Variants in RAD51B observed in about 807,000 individuals in gnomAD.
RAD51B encodes DNA repair protein RAD51 homolog 2.
RAD51B carries 38 observed loss-of-function variants against 42.2 expected under a neutral mutation model. That is an observed-to-expected ratio of 0.90 (90% CI 0.70 to 1.18). The LOEUF (loss-of-function observed/expected upper bound fraction) is 1.18. RAD51B is among the 50% of genes most tolerant of loss of function. The pLI, the probability that RAD51B is intolerant of heterozygous loss-of-function variation, is 0.00. For synonymous variants in RAD51B, 154 were observed against 145.2 expected (o/e 1.06, Z -0.43); for missense variants, 373 against 400.7 (o/e 0.93, Z 0.59).
chr14:68,641,269 T>C (rs372385441), intron 10 of RAD51B, among the ~76,000 whole-genome samples: 1 of 152,312 alleles, frequency 6.6e-6, no homozygotes, highest in East Asian at 1.9e-4. Flanking sequence ...TCACTGTTGG[T>C]ATATAGGAAA....
intron 8 of RAD51B, among the ~76,000 whole-genome samples, chr14:68,353,075 A>G (rs2082823252): frequency 6.6e-6 from 1 of 152,200 alleles, no homozygotes; most frequent in Non-Finnish European, 1.5e-5. Context: ...GTCAGAAAGC[A>G]AGTTGAAAGC....
At chr14:68,048,801 G>A (rs1307582214) in intron 7 of RAD51B, among the ~76,000 whole-genome samples, 2 of 152,208 alleles carry the variant, frequency 1.3e-5, no homozygotes, top group Non-Finnish European at 2.9e-5. Flanking sequence ...TTGGTGTGGT[G>A]ATTCCTCAGG....
chr14:68,126,198 A>G (rs779797471), intron 7 of RAD51B, among the ~76,000 whole-genome samples: 2 of 152,196 alleles, frequency 1.3e-5, no homozygotes, highest in African/African-American at 2.4e-5. Flanking sequence ...AACAACAAAA[A>G]TCATTCTTTT....
At chr14:67,912,775 G>T (rs564245029) in intron 7 of RAD51B, among the ~76,000 whole-genome samples, 5 of 150,600 alleles carry the variant, frequency 3.3e-5, no homozygotes, top group African/African-American at 1.2e-4. Flanking sequence ...GCGCGATCTC[G>T]GCTCACTGCA....
chr14:67,917,454 C>T lies in RAD51B; in HGVS notation c.756+30250C>T, dbSNP rs1363546258. ...ACCAGATCTCTTGAGAACTCACTAGCGTGAAGACAGCAGCGAGCCATGAGG... is the reference window on the plus strand; with the variant it reads ...ACCAGATCTCTTGAGAACTCACTAGTGTGAAGACAGCAGCGAGCCATGAGG... On this transcript the variant is annotated intron_variant, in intron 7 of 10. Transcript: ENST00000471583. 7.9e-5 allele frequency among the ~76,000 whole-genome samples: 12 copies of T among 152,064 alleles called. No individual in the cohort carries two copies. The East Asian group carries it at 2.1e-3, about 27-fold the overall frequency.
At chr14:68,681,905 G>T (rs532667925) in intron 11 of RAD51B, among the ~76,000 whole-genome samples, 5 of 152,260 alleles carry the variant, frequency 3.3e-5, no homozygotes, top group Admixed American at 6.5e-5. Flanking sequence ...CTGGGGAGTG[G>T]AGCAGGTTGG....
intron 7 of RAD51B, among the ~76,000 whole-genome samples, chr14:68,116,109 C>T (rs983105774): frequency 3.0e-4 from 45 of 151,804 alleles, no homozygotes; most frequent in Admixed American, 5.3e-4. Flanking sequence ...AAATGATTCA[C>T]AAGGTAAATA....
rs1384391279 is a variant in RAD51B, at chr14:67,913,680, G to T, written c.756+26476G>T. Among the ~76,000 whole-genome samples, 3 of 151,954 alleles carry T rather than the reference G, an allele frequency of 2.0e-5. No individual in the cohort carries two copies. In the East Asian group the frequency reaches 5.8e-4, roughly 29 times the overall value. On this transcript the variant is annotated intron_variant, in intron 7 of 10. Transcript: ENST00000471583. ...TTTAATTTTTGTGGGTACATAGTAG[G>T]TATGTATATTTATGGGGTATATGGG...
intron 10 of RAD51B, among the ~76,000 whole-genome samples, chr14:68,580,717 C>T (rs1193890723): frequency 6.6e-6 from 1 of 152,178 alleles, no homozygotes; most frequent in Non-Finnish European, 1.5e-5. Flanking sequence ...TCTCTTCTTC[C>T]CTTTCAGTTA....
intron 11 of RAD51B, among the ~76,000 whole-genome samples, chr14:68,654,362 G>A (rs1566964934): frequency 1.3e-5 from 2 of 152,230 alleles, no homozygotes; most frequent in East Asian, 1.9e-4. Context: ...ACACCTTTAC[G>A]TCAGGGTGTG....
At chr14:68,131,246 T>C (rs1351835378) in intron 7 of RAD51B, among the ~76,000 whole-genome samples, 2 of 152,204 alleles carry the variant, frequency 1.3e-5, no homozygotes, top group East Asian at 3.8e-4. Flanking sequence ...AAAAGTAAAC[T>C]GTATACTATA....
intron 10 of RAD51B, among the ~76,000 whole-genome samples, chr14:68,586,024 G>A (rs990458075): frequency 3.9e-5 from 6 of 152,130 alleles, no homozygotes; most frequent in African/African-American, 1.4e-4. Context: ...TACGCTTTGC[G>A]TTTCACAGTG....
At chr14:68,099,523 C>T (rs537062552) in intron 7 of RAD51B, among the ~76,000 whole-genome samples, 1 of 152,240 alleles carries the variant, frequency 6.6e-6, no homozygotes, top group South Asian at 2.1e-4. Flanking sequence ...TAAGTCTGCT[C>T]TGTGGCAGTT....
At chr14:68,359,233 A>G (rs1294409812) in intron 8 of RAD51B, among the ~76,000 whole-genome samples, 1 of 152,132 alleles carries the variant, frequency 6.6e-6, no homozygotes, top group Non-Finnish European at 1.5e-5. Flanking sequence ...TGGCTACTCC[A>G]TAAGGCAGCA....
chr14:67,844,317 T>C (rs2041533392), intron 4 of RAD51B, among the ~76,000 whole-genome samples: 1 of 151,954 alleles, frequency 6.6e-6, no homozygotes, highest in South Asian at 2.1e-4. Flanking sequence ...ATGAAAATAA[T>C]GTATATTCTG....
chr14:68,100,891 C>T (rs996399231), intron 7 of RAD51B, among the ~76,000 whole-genome samples: 4 of 152,146 alleles, frequency 2.6e-5, no homozygotes, highest in African/African-American at 9.7e-5. Context: ...CTGTTCTCAC[C>T]TGCTAATGAA....
intron 11 of RAD51B, among the ~76,000 whole-genome samples, chr14:68,676,309 A>G (rs138611086): frequency 4.5e-4 from 68 of 152,264 alleles, no homozygotes; most frequent in Middle Eastern, 6.8e-3. Flanking sequence ...GAACCCCACC[A>G]CAGCAAGCTG....
chr14:67,994,233 GAAAA>G (rs944758871), intron 7 of RAD51B, among the ~76,000 whole-genome samples: 1 of 150,786 alleles, frequency 6.6e-6, no homozygotes, highest in Admixed American at 6.6e-5. Context: ...TTTTTTTCAA[GAAAA>G]AAAAGCCATT....
chr14:68,506,750 G>T (rs557946108), intron 10 of RAD51B, among the ~76,000 whole-genome samples: 1 of 152,172 alleles, frequency 6.6e-6, no homozygotes, highest in South Asian at 2.1e-4. Flanking sequence ...CTGTGTGCCC[G>T]TGTATGTATG....
Sources: allele counts gnomAD v4.1 joint callset (sites outside exome capture counted in the v4.1 genomes callset), GRCh38; gene constraint gnomAD v4.1.1; transcripts MANE v1.5; gene names NCBI Gene and HGNC (gene_info 2026-07-23, HGNC 2026-07-21).